CRTAC1: variants seen among roughly 807,000 people sequenced by gnomAD.
CRTAC1 encodes cartilage acidic protein 1, also known as acidic secreted protein in cartilage.
A neutral mutation model predicts 67.8 loss-of-function variants in CRTAC1; 37 were observed. The ratio of observed to expected loss-of-function variants is 0.55; its 90% confidence interval spans 0.42 to 0.72. CRTAC1 has a LOEUF of 0.72. CRTAC1 is among the 30% of genes least tolerant of loss of function. The probability of loss-of-function intolerance (pLI) is 0.00; values close to 1 mark genes in which losing one functional copy is unlikely to be tolerated. For missense variants in CRTAC1, 780 were observed against 931.6 expected (o/e 0.84, Z 2.12); for synonymous variants, 348 against 371.0 (o/e 0.94, Z 0.71).
chr10:98,008,048 C>G (rs145414718), intron 2 of CRTAC1, among the ~76,000 whole-genome samples: 9 of 152,104 alleles, frequency 5.9e-5, no homozygotes, highest in Non-Finnish European at 1.2e-4. Flanking sequence ...CTGACCTCAG[C>G]GACTGGGCCC....
At chr10:97,950,169 AC>A (rs1197438161) in intron 2 of CRTAC1, among the ~76,000 whole-genome samples, 1 of 151,276 alleles carries the variant, frequency 6.6e-6, no homozygotes, top group Non-Finnish European at 1.5e-5. Context: ...TATTTGTCTT[AC>A]CCCAAGGTCA....
chr10:97,943,888 C>A (rs764297982), intron 2 of CRTAC1, among the ~76,000 whole-genome samples: 12 of 152,214 alleles, frequency 7.9e-5, no homozygotes, highest in Non-Finnish European at 1.5e-4. Flanking sequence ...GATTGCCAAT[C>A]CCTGGTCTCC....
intron 5 of CRTAC1, among the ~76,000 whole-genome samples, chr10:97,911,981 A>G (rs2050693356): frequency 6.6e-6 from 1 of 152,198 alleles, no homozygotes; most frequent in South Asian, 2.1e-4. Context: ...TCGGAGCTGG[A>G]GAGGCAGTGC....
chr10:97,923,493 G>T (rs2050870872), intron 3 of CRTAC1, 93 bp from the exon 4 acceptor site: 7 of 1,525,802 alleles, frequency 4.6e-6, no homozygotes, highest in African/African-American at 2.7e-5. Context: ...TTCACAAGGT[G>T]GTTGGGACCA....
intron 11 of CRTAC1, among the ~76,000 whole-genome samples, chr10:97,889,726 G>A (rs546530858): frequency 1.5e-3 from 234 of 152,178 alleles, no homozygotes; most frequent in Non-Finnish European, 3.0e-3. Context: ...TCACACATGC[G>A]CACTGCACCT....
chr10:97,898,049 C>T (rs904250938), intron 8 of CRTAC1, among the ~76,000 whole-genome samples: 3 of 152,156 alleles, frequency 2.0e-5, no homozygotes, highest in African/African-American at 7.2e-5. Context: ...GCCCACAGTC[C>T]CTTTGACCAT....
chr10:97,992,746 T>C (rs1842485809), intron 2 of CRTAC1, among the ~76,000 whole-genome samples: 2 of 152,064 alleles, frequency 1.3e-5, no homozygotes, highest in Admixed American at 1.3e-4. Context: ...AAAAGTTGAA[T>C]TTATAGAAGT....
In CRTAC1 at chr10:97,917,667, A is replaced by C. The variant is rs1472016600; in HGVS notation, c.559-11T>G. 2.6e-6 allele frequency: 4 copies of C among 1,532,760 alleles called. 1 individual carries two copies. Among genetic ancestry groups the C allele is most frequent in the Non-Finnish European group, 1.8e-6 (2 of 1,129,018 alleles). 94.9% of individuals were successfully genotyped at this position (1,532,760 alleles called of 1,614,324 possible). On this transcript the variant is annotated splice_polypyrimidine_tract_variant and intron_variant, in intron 4 of 14. Coordinates refer to ENST00000370597, the MANE Select transcript of CRTAC1 (RefSeq NM_018058.7). ...GTAGCGTCCAGAGCCCTGAGGAAGA[A>C]GGGAAGGGAGAGGTGAGCAGGGCCA...
chr10:97,984,799 G>T (rs375858391), intron 2 of CRTAC1, among the ~76,000 whole-genome samples: 5 of 152,188 alleles, frequency 3.3e-5, no homozygotes, highest in African/African-American at 9.7e-5. Flanking sequence ...TCTGACTTAC[G>T]TGAAAAGGAA....
At chr10:97,941,628 C>T (rs1379990521) in intron 2 of CRTAC1, among the ~76,000 whole-genome samples, 3 of 152,160 alleles carry the variant, frequency 2.0e-5, no homozygotes, top group African/African-American at 4.8e-5. Context: ...GCTGTCCCTC[C>T]CCTTTGTCTT....
chr10:97,985,081 G>C (rs192644456), intron 2 of CRTAC1, among the ~76,000 whole-genome samples: 1 of 152,230 alleles, frequency 6.6e-6, no homozygotes, highest in East Asian at 1.9e-4. Context: ...GGATTGTTTC[G>C]GCTTGTGTAG....
chr10:97,913,969 C>A (rs999211974), intron 5 of CRTAC1, among the ~76,000 whole-genome samples: 1 of 152,228 alleles, frequency 6.6e-6, no homozygotes, highest in Non-Finnish European at 1.5e-5. Context: ...CTGCTCCCAG[C>A]CAACAGCAAA....
chr10:97,980,585 T>C (rs1469752821), intron 2 of CRTAC1, among the ~76,000 whole-genome samples: 1 of 152,216 alleles, frequency 6.6e-6, no homozygotes, highest in East Asian at 1.9e-4. Flanking sequence ...CAAACCAGGC[T>C]GAAGTTGAAG....
At chr10:97,918,646 C>G (rs1309303276) in intron 4 of CRTAC1, among the ~76,000 whole-genome samples, 1 of 152,214 alleles carries the variant, frequency 6.6e-6, no homozygotes, top group Admixed American at 6.5e-5. Context: ...CCTAAAAGGT[C>G]CTAAGAGAAA....
intron 1 of CRTAC1, among the ~76,000 whole-genome samples, chr10:98,028,285 T>C (rs545996966): frequency 6.6e-6 from 1 of 152,338 alleles, no homozygotes; most frequent in East Asian, 1.9e-4. Flanking sequence ...CTGAGCTGCC[T>C]TAAAGCATTA....
At chr10:97,898,179 T>C (rs559910888) in intron 8 of CRTAC1, among the ~76,000 whole-genome samples, 2 of 152,358 alleles carry the variant, frequency 1.3e-5, no homozygotes, top group Non-Finnish European at 2.9e-5. Flanking sequence ...TCTGTGTTCA[T>C]TGAACACATT....
chr10:97,901,613 C>T lies in CRTAC1; in HGVS notation c.1023G>A (p.Met341Ile). ...TGATGACCGTGCGGACAGGGGAGGGCATGGAGAACTTGGGTGAGGCGATGT... is the reference window on the plus strand; with the variant it reads ...TGATGACCGTGCGGACAGGGGAGGGTATGGAGAACTTGGGTGAGGCGATGT... ...FRDIASPKFSMPSPVRTVITA... is the reference protein window; with the variant it reads ...FRDIASPKFSIPSPVRTVITA... Residue 341 changes from methionine to isoleucine, a missense_variant, in exon 8 of 15, where the codon ATG becomes ATA. Physicochemically the swap from Met to Ile is conservative, Grantham distance 10. Coordinates refer to ENST00000370597, the MANE Select transcript of CRTAC1 (RefSeq NM_018058.7). The T allele has an allele frequency of 6.2e-7, 1 of 1,614,128 alleles. No individual in the cohort carries two copies. Among genetic ancestry groups the T allele is most frequent in the Non-Finnish European group, 8.5e-7 (1 of 1,180,024 alleles).
intron 2 of CRTAC1, among the ~76,000 whole-genome samples, chr10:97,994,062 G>T (rs1842511316): frequency 6.6e-6 from 1 of 152,108 alleles, no homozygotes; most frequent in East Asian, 1.9e-4. Context: ...TCACCGTGCT[G>T]GCCAGGCTGG....
intron 2 of CRTAC1, among the ~76,000 whole-genome samples, chr10:97,957,821 C>A (rs1310067727): frequency 2.0e-5 from 3 of 152,128 alleles, no homozygotes; most frequent in Non-Finnish European, 4.4e-5. Flanking sequence ...AAAAGACACA[C>A]CGAATGGGGA....
Sources: gnomAD v4.1 joint callset for allele counts (sites outside exome capture counted in the v4.1 genomes callset) on GRCh38, gnomAD v4.1.1 for gene constraint, MANE v1.5 for transcripts, NCBI Gene and HGNC (gene_info 2026-07-23, HGNC 2026-07-21) for gene names.